The following FER1L6 variants were observed in gnomAD, a reference collection of about 807,000 sequenced individuals.
FER1L6 encodes the protein fer-1 like family member 6.
Under a neutral mutation model 219.2 loss-of-function variants are expected in FER1L6, and 177 were observed. The ratio of observed to expected loss-of-function variants is 0.81; its 90% CI spans 0.71 to 0.91. The LOEUF (loss-of-function observed/expected upper bound fraction) is 0.91, where lower values mean the gene tolerates loss of function less well. Among genes scored for constraint, FER1L6 ranks in the 40% least tolerant of loss-of-function variants. The probability of loss-of-function intolerance (pLI) is 0.00; values close to 1 mark genes in which losing one functional copy is unlikely to be tolerated. For synonymous variants in FER1L6, 768 were observed against 824.3 expected (o/e 0.93, Z 1.17); for missense variants, 2,153 against 2,259.9 (o/e 0.95, Z 0.96).
At chr8:123,883,175 C>T (rs1199752239) in intron 1 of FER1L6, among the ~76,000 whole-genome samples, 2 of 152,134 alleles carry the variant, frequency 1.3e-5, no homozygotes, top group African/African-American at 4.8e-5. Context: ...CAGGGAAGAG[C>T]CTTCTGGTCA....
chr8:123,936,476 T>TTTG (rs1554617943), intron 1 of FER1L6, among the ~76,000 whole-genome samples: 53 of 127,346 alleles, frequency 4.2e-4, no homozygotes, highest in African/African-American at 1.3e-3. Flanking sequence ...TTTTTTTTTT[T>TTTG]TTTTTTTTTT....
chr8:123,924,498 T>C (rs1813488295), intron 1 of FER1L6, among the ~76,000 whole-genome samples: 1 of 151,112 alleles, frequency 6.6e-6, no homozygotes, highest in African/African-American at 2.4e-5. Flanking sequence ...GCCGAGATCA[T>C]ACTTCAGCCC....
chr8:124,031,143 G>A (rs1301296433), intron 18 of FER1L6, among the ~76,000 whole-genome samples: 1 of 152,096 alleles, frequency 6.6e-6, no homozygotes, highest in Non-Finnish European at 1.5e-5. Flanking sequence ...GAGTGGGGAA[G>A]CAGGTGTAGG....
intron 1 of FER1L6, among the ~76,000 whole-genome samples, chr8:123,902,929 T>C (rs998516229): frequency 6.6e-6 from 1 of 152,166 alleles, no homozygotes; most frequent in Non-Finnish European, 1.5e-5. Context: ...GAGGTTCTGT[T>C]TTGTTGTGTT....
chr8:123,939,823 C>T (rs766032770), intron 1 of FER1L6, among the ~76,000 whole-genome samples: 7 of 152,152 alleles, frequency 4.6e-5, no homozygotes, highest in Admixed American at 6.5e-5. Context: ...CCAGTTGCAC[C>T]CCTTGTTAGA....
chr8:124,082,531 TC>T, intron 33 of FER1L6, 73 bp downstream of exon 33: 2 of 1,390,692 alleles, frequency 1.4e-6, no homozygotes, highest in Non-Finnish European at 9.9e-7. Context: ...AGACTCTGCA[TC>T]CCAGTTGTCC....
intron 22 of FER1L6, among the ~76,000 whole-genome samples, chr8:124,057,284 T>C (rs768933642): frequency 1.9e-4 from 29 of 152,214 alleles, no homozygotes; most frequent in Non-Finnish European, 4.0e-4. Context: ...AAGGTATTAT[T>C]CCATTGTTTG....
chr8:123,855,782 GTGTGTGTATATA>G (rs1816627003), intron 1 of FER1L6, among the ~76,000 whole-genome samples: 1 of 142,680 alleles, frequency 7.0e-6, no homozygotes, highest in South Asian at 2.1e-4. Context: ...ATATATGTGT[GTGTGTGTATATA>G]TATATATATG....
intron 1 of FER1L6, among the ~76,000 whole-genome samples, chr8:123,878,705 A>G (rs1817054804): frequency 6.6e-6 from 1 of 152,262 alleles, no homozygotes; most frequent in Non-Finnish European, 1.5e-5. Flanking sequence ...CTGTGTGTAC[A>G]TTAATAAAAT....
intron 18 of FER1L6, among the ~76,000 whole-genome samples, chr8:124,033,667 C>T (rs1251354512): frequency 6.6e-6 from 1 of 152,184 alleles, no homozygotes; most frequent in East Asian, 1.9e-4. Flanking sequence ...TCATTCCTGG[C>T]ACAGAGTAAG....
At chr8:124,072,481 T>C (rs1186134900) in intron 31 of FER1L6, among the ~76,000 whole-genome samples, 3 of 152,234 alleles carry the variant, frequency 2.0e-5, no homozygotes, top group Non-Finnish European at 2.9e-5. Context: ...TTTTTGTAAT[T>C]GTATTATTTT....
intron 2 of FER1L6, among the ~76,000 whole-genome samples, chr8:123,957,337 T>C (rs1376089744): frequency 1.3e-5 from 2 of 152,216 alleles, no homozygotes; most frequent in East Asian, 3.9e-4. Context: ...AAAGTCCTTG[T>C]TGATTCAATG....
rs1821494652 is a variant in FER1L6 at position 124,080,517 on chromosome 8, CATGT to C, written c.4221-1770_4221-1767del. Among the ~76,000 whole-genome samples the C allele has an allele frequency of 7.2e-5, 11 of 152,216 alleles. No homozygotes were observed. The South Asian group carries it at 2.3e-3, about 32-fold the overall frequency. On this transcript the variant is annotated intron_variant, in intron 32 of 40. Transcript: ENST00000522917. Reference sequence around the variant, plus strand: ...ATTTTTAGTAGAGACAGGGTTTCACCATGTTGGCCAGGCTTGTCTCGAACTCCTG... The same window carrying C: ...ATTTTTAGTAGAGACAGGGTTTCACCTGGCCAGGCTTGTCTCGAACTCCTG...
intron 22 of FER1L6, among the ~76,000 whole-genome samples, chr8:124,051,662 T>TCC (rs1820035894): frequency 6.6e-6 from 1 of 152,202 alleles, no homozygotes; most frequent in Non-Finnish European, 1.5e-5. Flanking sequence ...ACTTGCTCAA[T>TCC]ATGGCGAGTG....
intron 19 of FER1L6, among the ~76,000 whole-genome samples, chr8:124,038,309 G>T (rs138714081): frequency 1.3e-5 from 2 of 152,312 alleles, no homozygotes; most frequent in Non-Finnish European, 2.9e-5. Flanking sequence ...ATGTGCTTTG[G>T]TGAATGTGAA....
At chr8:123,899,018 C>A (rs950246828) in intron 1 of FER1L6, among the ~76,000 whole-genome samples, 3 of 151,794 alleles carry the variant, frequency 2.0e-5, no homozygotes, top group African/African-American at 7.3e-5. Context: ...TGGGTAGATA[C>A]CTAGTATTGG....
At chr8:124,060,137 T>C (rs765605530) in intron 22 of FER1L6, 43 bp from the exon 23 acceptor site, 9 of 1,483,454 alleles carry the variant, frequency 6.1e-6, no homozygotes, top group Admixed American at 3.3e-5. Flanking sequence ...TTGCCTTCCC[T>C]GTGTCTCTCC....
intron 33 of FER1L6, among the ~76,000 whole-genome samples, chr8:124,084,535 C>T (rs1821705974): frequency 6.6e-6 from 1 of 152,000 alleles, no homozygotes. Context: ...GGTTTGTGTC[C>T]TTCATTCTGT....
At chr8:123,952,800 C>A (rs1288122822) in intron 1 of FER1L6, among the ~76,000 whole-genome samples, 1 of 152,214 alleles carries the variant, frequency 6.6e-6, no homozygotes, top group Non-Finnish European at 1.5e-5. Context: ...GCTCCTGGCA[C>A]ATAGTGAGTG....
Sources: allele counts gnomAD v4.1 joint callset (sites outside exome capture counted in the v4.1 genomes callset), GRCh38; gene constraint gnomAD v4.1.1; transcripts MANE v1.5; gene names NCBI Gene and HGNC (gene_info 2026-07-23, HGNC 2026-07-21).